ZMYM2: variants seen among roughly 807,000 people sequenced by gnomAD.
The protein encoded by ZMYM2 is zinc finger MYM-type containing 2.
A neutral mutation model predicts 162.8 loss-of-function variants in ZMYM2; 56 were observed. The observed-to-expected ratio is 0.34, with a 90% CI of 0.28 to 0.43. The LOEUF is 0.43. Ranked by LOEUF, ZMYM2 falls within the 20% of genes least tolerant of loss-of-function variation. The probability of loss-of-function intolerance (pLI) is 1.00; values close to 1 mark genes in which losing one functional copy is unlikely to be tolerated. For synonymous variants in ZMYM2, 510 were observed against 541.6 expected, an observed-to-expected ratio of 0.94 and a Z score of 0.81; for missense variants, 1,275 against 1,621.8, an observed-to-expected ratio of 0.79 and a Z score of 3.67.
chr13:19,971,574 C>T (rs8002415), intron 2 of ZMYM2, among the ~76,000 whole-genome samples: 15 of 151,830 alleles, frequency 9.9e-5, no homozygotes, highest in Non-Finnish European at 1.8e-4. Flanking sequence ...CCAGCCGATT[C>T]ATTTTTAAGA....
At chr13:20,079,111 G>T (rs1957725847) in intron 21 of ZMYM2, among the ~76,000 whole-genome samples, 1 of 151,276 alleles carries the variant, frequency 6.6e-6, no homozygotes, top group African/African-American at 2.4e-5. Flanking sequence ...ACAACGTCAA[G>T]AGATGGAGAC....
chr13:19,961,446 T>C (rs1385547864), intron 2 of ZMYM2, among the ~76,000 whole-genome samples: 1 of 152,242 alleles, frequency 6.6e-6, no homozygotes, highest in African/African-American at 2.4e-5. Flanking sequence ...ATAACATCTC[T>C]AATGAGTTTG....
intron 2 of ZMYM2, among the ~76,000 whole-genome samples, chr13:19,974,800 TTGGA>T (rs1232091646): frequency 6.6e-6 from 1 of 152,126 alleles, no homozygotes; most frequent in Non-Finnish European, 1.5e-5. Flanking sequence ...AATATATCTG[TTGGA>T]TGGATGCCTA....
In ZMYM2 at chr13:20,088,886, T is replaced by G. The variant is rs766806231; in HGVS notation, c.*2872T>G. ...ATAAAATTGCAAGTTTTGGTTTGCATTACTCTAATGTGGGTTCATTTAATC... is the reference window on the plus strand; with the variant it reads ...ATAAAATTGCAAGTTTTGGTTTGCAGTACTCTAATGTGGGTTCATTTAATC... On this transcript the variant is annotated 3_prime_UTR_variant, in exon 25 of 25. Coordinates refer to ENST00000610343, the MANE Select transcript of ZMYM2 (RefSeq NM_197968.4). The G allele has an allele frequency of 5.1e-6, 1 of 197,048 alleles. No individual in the cohort carries two copies. The highest frequency in any genetic ancestry group is 1.1e-5 in the Non-Finnish European group (1 of 94,920). The allele number at this position is 197,048 out of a possible 1,614,324, so 12.2% of individuals were successfully genotyped here. A position where few individuals can be genotyped will look rare whatever the true frequency, so the allele number is the denominator to read the frequency against.
chr13:19,961,193 C>T (rs1955173522), intron 2 of ZMYM2, among the ~76,000 whole-genome samples: 1 of 151,548 alleles, frequency 6.6e-6, no homozygotes, highest in African/African-American at 2.4e-5. Flanking sequence ...CTCCATGTAC[C>T]CATCATTCAC....
At chr13:20,009,914 T>C (rs1159757718) in intron 6 of ZMYM2, among the ~76,000 whole-genome samples, 1 of 152,216 alleles carries the variant, frequency 6.6e-6, no homozygotes, top group Non-Finnish European at 1.5e-5. Context: ...TGGTTTTCCA[T>C]TCTTTTGGAT....
At chr13:20,081,535 C>CA (rs199531027) in intron 21 of ZMYM2, among the ~76,000 whole-genome samples, 2,003 of 151,414 alleles carry the variant, frequency 0.013, 50 homozygotes, top group African/African-American at 0.045. Context: ...CTGACAAAGT[C>CA]AGAGTGCTAG....
At chr13:20,043,525 C>T (rs1954476694) in intron 12 of ZMYM2, among the ~76,000 whole-genome samples, 2 of 152,050 alleles carry the variant, frequency 1.3e-5, no homozygotes, top group Admixed American at 1.3e-4. Context: ...GGTGGCAGGG[C>T]GCTGGCAGGT....
At chr13:19,889,024 A>G in the ZMYM2 span, among the ~76,000 whole-genome samples, 1 of 152,020 alleles carries the variant, frequency 6.6e-6, no homozygotes, top group Non-Finnish European at 1.5e-5. Context: ...GAGTTTAAAT[A>G]TAGGGCATCC....
intron 7 of ZMYM2, among the ~76,000 whole-genome samples, chr13:20,022,003 CT>C (rs1396302794): frequency 1.3e-5 from 2 of 152,176 alleles, no homozygotes; most frequent in East Asian, 3.9e-4. Context: ...TTAACCTCCC[CT>C]TCCCCCAGCT....
intron 6 of ZMYM2, among the ~76,000 whole-genome samples, chr13:20,014,215 A>G (rs1951425509): frequency 6.6e-6 from 1 of 152,086 alleles, no homozygotes; most frequent in Non-Finnish European, 1.5e-5. Flanking sequence ...CTGGGACTAC[A>G]GGCGCCTGCC....
At chr13:19,909,327 G>A in the ZMYM2 span, among the ~76,000 whole-genome samples, 1 of 151,474 alleles carries the variant, frequency 6.6e-6, no homozygotes, top group Admixed American at 6.6e-5. Context: ...TCATGATTTT[G>A]TTTAATTGGA....
At chr13:20,066,822 G>T (rs756512893) in intron 19 of ZMYM2, 29 bp from the exon 20 acceptor site, 2 of 1,507,626 alleles carry the variant, frequency 1.3e-6, no homozygotes, top group Non-Finnish European at 1.8e-6. Flanking sequence ...CTTTAAAAAA[G>T]ATATTATTAT....
At chr13:19,930,068 G>C in the ZMYM2 span, among the ~76,000 whole-genome samples, 2 of 152,092 alleles carry the variant, frequency 1.3e-5, no homozygotes, top group African/African-American at 4.8e-5. Context: ...GACCAACCTG[G>C]GCAACATGGC....
chr13:19,872,272 T>C, the ZMYM2 span, among the ~76,000 whole-genome samples: 4 of 152,118 alleles, frequency 2.6e-5, no homozygotes, highest in African/African-American at 9.7e-5. Context: ...ACTCTATGGC[T>C]AGGCACGGTG....
At chr13:19,866,849 G>A in the ZMYM2 span, among the ~76,000 whole-genome samples, 26 of 151,970 alleles carry the variant, frequency 1.7e-4, no homozygotes, top group Non-Finnish European at 2.9e-4. Context: ...AGCCATGATT[G>A]TGCCACTGCA....
chr13:20,053,107 G>A (rs1477041530), intron 14 of ZMYM2, among the ~76,000 whole-genome samples: 1 of 152,166 alleles, frequency 6.6e-6, no homozygotes, highest in Non-Finnish European at 1.5e-5. Context: ...AAAGATAAGA[G>A]GCAGTGCTTT....
At position 20,006,475 on chromosome 13, in the gene ZMYM2, T is replaced by C; in HGVS notation, c.1401T>C (p.Cys467=). The change falls in exon 6 of 25, where the codon TGT becomes TGC. Residue 467 remains cysteine (C), a synonymous_variant. Coordinates refer to ENST00000610343, the MANE Select transcript of ZMYM2 (RefSeq NM_197968.4). ...RMANGLIMNC[C]EQCGEYLPSK... is the part of the protein sequence containing the mutation. ...CCAATGGTTTAATAATGAATTGCTG[T>C]GAACAGTGTGGAGAGTACTTGCCCA... The C allele has an allele frequency of 6.2e-7, 1 of 1,613,564 alleles. No individual in the cohort carries two copies. The highest frequency in any genetic ancestry group is 1.1e-5 in the South Asian group (1 of 90,980).
chr13:20,075,893 G>C (rs999926521), intron 21 of ZMYM2, among the ~76,000 whole-genome samples: 1 of 151,054 alleles, frequency 6.6e-6, no homozygotes, highest in Non-Finnish European at 1.5e-5. Flanking sequence ...ACGAGGTTTC[G>C]CCATGTTGGC....
Sources: allele counts gnomAD v4.1 joint callset (sites outside exome capture counted in the v4.1 genomes callset), GRCh38; gene constraint gnomAD v4.1.1; transcripts MANE v1.5; gene names NCBI Gene and HGNC (gene_info 2026-07-23, HGNC 2026-07-21).